THBS4: variants seen among roughly 807,000 people sequenced by gnomAD.
The protein encoded by THBS4 is thrombospondin 4, also known as thrombospondin-4.
Under a neutral mutation model 115.7 loss-of-function variants are expected in THBS4, and 90 were observed. The observed-to-expected ratio is 0.78, with a 90% CI of 0.66 to 0.93. THBS4 has a LOEUF of 0.93. THBS4 is among the 40% of genes least tolerant of loss of function. The pLI is 0.00. For synonymous variants in THBS4, 460 were observed against 479.3 expected (o/e 0.96, Z 0.53); for missense variants, 1,087 against 1,232.7 (o/e 0.88, Z 1.77).
intron 10 of THBS4, 80 bp from the exon 11 acceptor site, chr5:80,070,226 G>C (rs1446287246): frequency 2.4e-6 from 3 of 1,230,570 alleles, no homozygotes; most frequent in Non-Finnish European, 3.4e-6. Context: ...ATTGAGCAAA[G>C]GAGCAGAGAG....
intron 16 of THBS4, among the ~76,000 whole-genome samples, chr5:80,077,432 G>A (rs1743271677): frequency 6.6e-6 from 1 of 152,218 alleles, no homozygotes; most frequent in African/African-American, 2.4e-5. Context: ...TGGCACAGTA[G>A]AAGTGGTATA....
intron 2 of THBS4, among the ~76,000 whole-genome samples, chr5:80,045,256 T>C (rs184604295): frequency 3.9e-4 from 60 of 152,322 alleles, no homozygotes; most frequent in Non-Finnish European, 6.9e-4. Flanking sequence ...CAAGAACTGC[T>C]TCTTTAGTCT....
At chr5:80,066,478 G>C (rs1252341615) in intron 9 of THBS4, 1 of 152,238 alleles carries the variant, frequency 6.6e-6, no homozygotes, top group Non-Finnish European at 1.5e-5. Flanking sequence ...GGTGGAGCAT[G>C]CCTATAGTCC....
chr5:80,058,674 G>C (rs1175102296), intron 4 of THBS4, 34 bp from the exon 5 acceptor site: 1 of 1,601,828 alleles, frequency 6.2e-7, no homozygotes, highest in East Asian at 2.2e-5. Context: ...ACCATCACTG[G>C]CTGAAAACTC....
intron 2 of THBS4, among the ~76,000 whole-genome samples, chr5:80,052,158 T>A (rs1341982988): frequency 6.6e-6 from 1 of 152,222 alleles, no homozygotes; most frequent in Admixed American, 6.5e-5. Flanking sequence ...AGAAGTTTTT[T>A]AAAAATTGAG....
intron 2 of THBS4, among the ~76,000 whole-genome samples, chr5:80,018,941 T>C (rs1194453157): frequency 6.6e-6 from 1 of 152,118 alleles, no homozygotes; most frequent in African/African-American, 2.4e-5. Context: ...TAGAATGTTA[T>C]CTGCAGGATT....
rs752237270 is a variant in THBS4, at chr5:80,078,114, G to A, written c.2152G>A (p.Val718Ile). The change falls in exon 17 of 22, where the codon GTC (valine) becomes ATC (isoleucine). Residue 718 changes from valine (V) to isoleucine (I), a missense_variant. Val to Ile is a conservative substitution (Grantham distance 29). Around this residue, in one of 3 missense-constraint regions of THBS4, gnomAD observed 979 missense variants for 1,103.7 expected, o/e 0.89. Coordinates refer to ENST00000350881, the MANE Select transcript of THBS4 (RefSeq NM_003248.6). ...DQDQVIDRID[V>I]CPENAEVTLT... ...GGACCAGGTCATCGATCGGATCGAC[G>A]TCTGCCCAGAGAACGCAGAGGTCAC... The A allele has an allele frequency of 3.8e-5, 61 of 1,611,742 alleles. No homozygotes were observed. Among genetic ancestry groups the A allele is most frequent in the Non-Finnish European group, 4.9e-5 (58 of 1,178,662 alleles).
At chr5:79,993,056 G>A (rs1417242487) in intron 1 of THBS4, among the ~76,000 whole-genome samples, 1 of 152,188 alleles carries the variant, frequency 6.6e-6, no homozygotes, top group Non-Finnish European at 1.5e-5. Flanking sequence ...CCTGAGCCTT[G>A]TTTGTAGCAG....
At chr5:80,014,632 T>C (rs1444884594) in intron 2 of THBS4, among the ~76,000 whole-genome samples, 7 of 152,216 alleles carry the variant, frequency 4.6e-5, no homozygotes, top group Non-Finnish European at 2.9e-5. Context: ...TATTTATTTA[T>C]GACCATGTGT....
At chr5:80,069,696 C>T (rs1468623245) in intron 10 of THBS4, among the ~76,000 whole-genome samples, 3 of 152,232 alleles carry the variant, frequency 2.0e-5, no homozygotes, top group African/African-American at 7.2e-5. Context: ...GGATCAGCCT[C>T]GTGGATCAGC....
chr5:80,011,205 T>C (rs1333606599), intron 2 of THBS4, among the ~76,000 whole-genome samples: 1 of 152,238 alleles, frequency 6.6e-6, no homozygotes, highest in African/African-American at 2.4e-5. Flanking sequence ...TCTCCTTGCC[T>C]TCTGCCAAGA....
rs751024241 is a variant in THBS4 at position 80,078,209 on chromosome 5, C to T, written c.2247C>T (p.Asn749=). The T allele has an allele frequency of 1.9e-6, 3 of 1,594,802 alleles. No individual in the cohort carries two copies. Among genetic ancestry groups the T allele is most frequent in the Non-Finnish European group, 2.6e-6 (3 of 1,166,338 alleles). The change falls in exon 17 of 22, where the codon AAC becomes AAT. Residue 749 remains asparagine (N), a synonymous_variant. Coordinates refer to ENST00000350881, the MANE Select transcript of THBS4 (RefSeq NM_003248.6). ...AAGGGGATGCCCAGATCGATCCCAA[C>T]TGGGTGGTCCTGAACCAGGTGAGTG... ...DPEGDAQIDP[N]WVVLNQGMEI...
chr5:80,060,235 T>A (rs1833587130), intron 7 of THBS4, among the ~76,000 whole-genome samples: 1 of 152,232 alleles, frequency 6.6e-6, no homozygotes, highest in Non-Finnish European at 1.5e-5. Context: ...TCCCCCACTT[T>A]TGCAAATGTG....
At chr5:79,995,342 T>C (rs1831770348) in intron 1 of THBS4, among the ~76,000 whole-genome samples, 1 of 152,224 alleles carries the variant, frequency 6.6e-6, no homozygotes, top group Admixed American at 6.5e-5. Context: ...TGAATATTAT[T>C]GGAGGAAGGT....
At position 80,083,158 on chromosome 5, in the gene THBS4, G is replaced by A; in HGVS notation, c.*17G>A. ...GATAATTAAACCAAGGAAGCAATCTGTAACTGCTTTTCGGAACACTAAAAC... is the reference window on the plus strand; with the variant it reads ...GATAATTAAACCAAGGAAGCAATCTATAACTGCTTTTCGGAACACTAAAAC... On this transcript the variant is annotated 3_prime_UTR_variant, in exon 22 of 22. Transcript: ENST00000350881. The A allele has an allele frequency of 6.2e-7, 1 of 1,606,970 alleles. No individual in the cohort carries two copies. The highest frequency in any genetic ancestry group is 8.5e-7 in the Non-Finnish European group (1 of 1,173,424).
In THBS4 at chr5:80,067,968, T is replaced by C. The variant is rs201234462; in HGVS notation, c.1195-5T>C. The C allele has an allele frequency of 1.2e-6, 2 of 1,613,932 alleles. No individual in the cohort carries two copies. The highest frequency in any genetic ancestry group is 2.2e-5 in the East Asian group (1 of 44,888). ...AGCTCATCACCTGATCTTTGTTCCT[T>C]GCAGGGATCTTACCGCTGTGGGCCT... On this transcript the variant is annotated splice_polypyrimidine_tract_variant and splice_region_variant and intron_variant, in intron 9 of 21. Coordinates refer to ENST00000350881, the MANE Select transcript of THBS4 (RefSeq NM_003248.6).
chr5:80,025,036 G>C (rs541369431), intron 2 of THBS4, among the ~76,000 whole-genome samples: 1 of 152,212 alleles, frequency 6.6e-6, no homozygotes, highest in African/African-American at 2.4e-5. Flanking sequence ...GAAAAAATTG[G>C]TGCGTTATAA....
intron 17 of THBS4, among the ~76,000 whole-genome samples, chr5:80,078,575 G>A (rs949818649): frequency 6.6e-6 from 1 of 152,208 alleles, no homozygotes; most frequent in Non-Finnish European, 1.5e-5. Flanking sequence ...TAACTAAGAA[G>A]TGCAGGCACA....
rs530087261 is a variant in THBS4 at position 80,058,391 on chromosome 5, C to T, written c.649+77C>T. The T allele has an allele frequency of 1.2e-5, 13 of 1,088,380 alleles. 1 individual carries two copies. The highest frequency in any genetic ancestry group is 7.0e-5 in the South Asian group (5 of 71,662). 67.4% of individuals were successfully genotyped at this position (1,088,380 alleles called of 1,614,324 possible). ...CCCTGAATAGGCTGGGTCCCATCAC[C>T]GAAAAGTGGGACTGTCAACAGAGCA... is the stretch of plus-strand genomic sequence containing the variant. On this transcript the variant is annotated intron_variant, in intron 4 of 21. Transcript: ENST00000350881.
Sources: allele counts gnomAD v4.1 joint callset (sites outside exome capture counted in the v4.1 genomes callset), GRCh38; gene constraint gnomAD v4.1.1; regional missense constraint gnomAD v4.1.1; transcripts MANE v1.5; gene names NCBI Gene and HGNC (gene_info 2026-07-23, HGNC 2026-07-21).